The following SLC5A10 variants were observed in gnomAD, a reference collection of about 807,000 sequenced individuals.
SLC5A10 encodes solute carrier family 5 member 10.
SLC5A10 carries 55 observed loss-of-function variants against 68.9 expected under a neutral mutation model. That is an observed-to-expected ratio of 0.80 (90% CI 0.64 to 1.00). SLC5A10 has a LOEUF of 1.00. Ranked by LOEUF, SLC5A10 falls within the 50% of genes least tolerant of loss-of-function variation. The pLI, the probability that SLC5A10 is intolerant of heterozygous loss-of-function variation, is 0.00. For missense variants in SLC5A10, 732 were observed against 819.3 expected (o/e 0.89, Z 1.30); for synonymous variants, 344 against 344.8 (o/e 1.00, Z 0.02).
rs1037885740 is a variant in SLC5A10, at chr17:19,020,394, T to A, written c.1754T>A (p.Met585Lys). 6.2e-7 allele frequency: 1 copy of A among 1,613,966 alleles called. No individual in the cohort carries two copies. Among genetic ancestry groups the A allele is most frequent in the African/African-American group, 1.3e-5 (1 of 74,936 alleles). ...TGTGGCTTCAATGCCATCCTCCTCA[T>A]GTGTGTCAACATATTCTTTTATGCC... ...RVCGFNAILLMCVNIFFYAYF... is the reference protein window; with the variant it reads ...RVCGFNAILLKCVNIFFYAYF... The change falls in exon 15 of 15, where the codon ATG becomes AAG. Residue 585 changes from methionine (M) to lysine (K), a missense_variant. Coordinates refer to ENST00000395645, the MANE Select transcript of SLC5A10 (RefSeq NM_001042450.4).
At chr17:18,957,539 G>C (rs2042528022) in intron 1 of SLC5A10, among the ~76,000 whole-genome samples, 1 of 152,094 alleles carries the variant, frequency 6.6e-6, no homozygotes, top group East Asian at 1.9e-4. Flanking sequence ...CACGATCTCG[G>C]CTCACTGCAA....
At chr17:18,985,277 T>A (rs1430627997) in intron 9 of SLC5A10, among the ~76,000 whole-genome samples, 1 of 152,208 alleles carries the variant, frequency 6.6e-6, no homozygotes, top group Non-Finnish European at 1.5e-5. Flanking sequence ...TGTCCCCATT[T>A]TGTAGACAAG....
intron 9 of SLC5A10, chr17:18,988,182 T>C: frequency 1.3e-6 from 2 of 1,572,042 alleles, no homozygotes; most frequent in Non-Finnish European, 1.7e-6. Context: ...GTACTCGAAG[T>C]GTTTGTTGAC....
chr17:18,998,746 C>T (rs1022600981), intron 9 of SLC5A10, among the ~76,000 whole-genome samples: 7 of 152,226 alleles, frequency 4.6e-5, no homozygotes, highest in South Asian at 2.1e-4. Flanking sequence ...CAGATGGTTC[C>T]CCACCCACTC....
At chr17:19,008,494 C>G (rs972201205) in intron 9 of SLC5A10, among the ~76,000 whole-genome samples, 3 of 148,654 alleles carry the variant, frequency 2.0e-5, no homozygotes, top group Non-Finnish European at 4.4e-5. Flanking sequence ...AGGAGACAGC[C>G]TCACAGATTT....
chr17:18,979,679 T>C (rs1441199107), intron 9 of SLC5A10: 11 of 1,612,952 alleles, frequency 6.8e-6, no homozygotes, highest in Non-Finnish European at 9.3e-6. Flanking sequence ...AGATTCTGTT[T>C]TGGGAACCAA....
chr17:18,963,298 G>A (rs1470432666), intron 5 of SLC5A10, among the ~76,000 whole-genome samples: 1 of 152,236 alleles, frequency 6.6e-6, no homozygotes, highest in Non-Finnish European at 1.5e-5. Flanking sequence ...GTCAGGCAGG[G>A]ACTACTGTTA....
rs2042864554 is a variant in SLC5A10, at chr17:18,971,845, G to A, written c.846+627G>A. On this transcript the variant is annotated intron_variant, in intron 8 of 14. Coordinates refer to ENST00000395645, the MANE Select transcript of SLC5A10 (RefSeq NM_001042450.4). This position sits in a 1 kb window ranked among gnomAD's most constrained non-coding sequence, Gnocchi z 5.5. ...AGGCACACAGGAGCCGGCAGGCCCG[G>A]GTTCGCCTCCTGGCTCTGCCATTCA... 7 of 1,377,894 alleles carry A rather than the reference G, an allele frequency of 5.1e-6. No individual in the cohort carries two copies. The highest frequency in any genetic ancestry group is 5.8e-6 in the Non-Finnish European group (6 of 1,028,854). The allele number at this position is 1,377,894 out of a possible 1,614,324, so 85.4% of individuals were successfully genotyped here. A position where few individuals can be genotyped will look rare whatever the true frequency, so the allele number is the denominator to read the frequency against.
At chr17:19,016,489 G>A (rs180999025) in intron 11 of SLC5A10, among the ~76,000 whole-genome samples, 1 of 152,228 alleles carries the variant, frequency 6.6e-6, no homozygotes, top group Admixed American at 6.5e-5. Context: ...CAGCCTTCTG[G>A]CACAACAGAG....
intron 9 of SLC5A10, chr17:18,977,543 G>A: frequency 6.4e-7 from 1 of 1,572,296 alleles, no homozygotes; most frequent in South Asian, 1.2e-5. Context: ...GGCTGGCAGG[G>A]AGGGACTCGT....
At chr17:18,966,767 C>G (rs2472719) in intron 5 of SLC5A10, among the ~76,000 whole-genome samples, 1 of 136,916 alleles carries the variant, frequency 7.3e-6, no homozygotes, top group South Asian at 2.3e-4. Flanking sequence ...AAAAAAAAAA[C>G]AACACTCTGC....
At chr17:18,988,474 C>T (rs1256237722) in intron 9 of SLC5A10, 19 of 1,590,140 alleles carry the variant, frequency 1.2e-5, no homozygotes, top group East Asian at 2.3e-5. Flanking sequence ...GACAGGGTGC[C>T]CTGGCAGAGC....
In SLC5A10 at chr17:19,013,408, A is replaced by C. The variant is rs755241871; in HGVS notation, c.983-2A>C. ...GACACCAAGTGTCCGTCTCTCGAAC[A>C]GATGATGTGGGCTGCGTGGTGCCGT... On this transcript the variant is annotated splice_acceptor_variant, in intron 9 of 14. Transcript: ENST00000395645. LOFTEE classifies it high-confidence loss of function. 1.4e-5 allele frequency: 23 copies of C among 1,606,724 alleles called. No homozygotes were observed. The highest frequency in any genetic ancestry group is 2.0e-5 in the Non-Finnish European group (23 of 1,176,328).
At chr17:18,988,927 C>G (rs1033411357) in intron 9 of SLC5A10, among the ~76,000 whole-genome samples, 7 of 152,220 alleles carry the variant, frequency 4.6e-5, no homozygotes, top group African/African-American at 1.7e-4. Flanking sequence ...CCCAGCCAAG[C>G]ACCACCAACA....
intron 9 of SLC5A10, chr17:18,988,525 C>G: frequency 1.3e-6 from 2 of 1,525,580 alleles, no homozygotes; most frequent in Non-Finnish European, 1.8e-6. Context: ...CAGGTGCCCA[C>G]TCTGGCCCTA....
chr17:18,952,429 C>T, intron 1 of SLC5A10, 113 bp downstream of exon 1: 5 of 1,318,804 alleles, frequency 3.8e-6, no homozygotes, highest in Non-Finnish European at 4.2e-6. Flanking sequence ...AGCTGGTGGC[C>T]TAGTGATCCT....
chr17:19,003,892 G>A lies in SLC5A10; in HGVS notation c.983-9518G>A, dbSNP rs988393292. 6.2e-7 allele frequency: 1 copy of A among 1,612,908 alleles called. No homozygotes were observed. Among genetic ancestry groups the A allele is most frequent in the Non-Finnish European group, 8.5e-7 (1 of 1,179,940 alleles). On this transcript the variant is annotated intron_variant, in intron 9 of 14. Transcript: ENST00000395645. This position sits in a 1 kb window ranked among gnomAD's most constrained non-coding sequence, Gnocchi z 4.5. ...GGAAGTCTCGGATGTTCTCCCGCTTGAGCACCTCGTAGAAGGCGTCCCGGC... is the reference window on the plus strand; with the variant it reads ...GGAAGTCTCGGATGTTCTCCCGCTTAAGCACCTCGTAGAAGGCGTCCCGGC...
In SLC5A10 at chr17:18,971,359, C is replaced by T. The variant is rs2042841575; in HGVS notation, c.846+141C>T. 6.4e-7 allele frequency: 1 copy of T among 1,571,342 alleles called. No homozygotes were observed. Among genetic ancestry groups the T allele is most frequent in the South Asian group, 1.1e-5 (1 of 89,168 alleles). On this transcript the variant is annotated intron_variant, in intron 8 of 14. Transcript: ENST00000395645. The surrounding 1 kb of genome is among the most constrained non-coding windows in gnomAD (Gnocchi z 5.5). The stretch of plus-strand genomic sequence containing the variant: ...TGTGGCTCCAGGCTGGGACATGCTG[C>T]TAGGGGTCTTTGCGGTCCCGGGGGG...
chr17:18,977,233 G>C, intron 9 of SLC5A10: 1 of 610,382 alleles, frequency 1.6e-6, no homozygotes, highest in Non-Finnish European at 2.8e-6. Context: ...GAACGTCCCT[G>C]TGCCCCGCCT....
Sources: gnomAD v4.1 joint callset for allele counts (sites outside exome capture counted in the v4.1 genomes callset) on GRCh38, gnomAD v4.1.1 for gene constraint, Gnocchi (gnomAD v3.1) non-coding constraint, MANE v1.5 for transcripts, NCBI Gene and HGNC (gene_info 2026-07-23, HGNC 2026-07-21) for gene names.